ADARB1: variants seen among roughly 807,000 people sequenced by gnomAD.
ADARB1 encodes adenosine deaminase RNA specific B1.
In ADARB1, 10 loss-of-function variants were observed where a neutral mutation model predicts 52.4. That is an observed-to-expected ratio of 0.19 (90% CI 0.12 to 0.32). The LOEUF (loss-of-function observed/expected upper bound fraction) is 0.32. Among genes scored for constraint, ADARB1 ranks in the 10% least tolerant of loss-of-function variants. The probability of loss-of-function intolerance (pLI) is 1.00; values close to 1 mark genes in which losing one functional copy is unlikely to be tolerated. For missense variants in ADARB1, 643 were observed against 922.3 expected, an observed-to-expected ratio of 0.70 and a Z score of 3.92; for synonymous variants, 349 against 371.1, an observed-to-expected ratio of 0.94 and a Z score of 0.68.
chr21:45,203,810 G>A (rs1427418104), intron 8 of ADARB1, among the ~76,000 whole-genome samples: 1 of 152,164 alleles, frequency 6.6e-6, no homozygotes, highest in African/African-American at 2.4e-5. Flanking sequence ...GAAGTATAGT[G>A]GTCCCCGCTT....
intron 1 of ADARB1, among the ~76,000 whole-genome samples, chr21:45,097,604 C>G: frequency 6.6e-6 from 1 of 152,158 alleles, no homozygotes; most frequent in East Asian, 1.9e-4. Flanking sequence ...ACTTCAGACA[C>G]ATGTGCAAGG....
Position 45,204,725 on chromosome 21 carries a change from C to A in ADARB1, c.1736C>A (p.Pro579His). 6.2e-7 allele frequency: 1 copy of A among 1,614,064 alleles called. No individual in the cohort carries two copies. Among genetic ancestry groups the A allele is most frequent in the Non-Finnish European group, 8.5e-7 (1 of 1,179,962 alleles). The change falls in exon 9 of 11, where the codon CCT (proline) becomes CAT (histidine). Residue 579 changes from proline (P) to histidine (H), a missense_variant. By Grantham distance (77) the Pro-to-His change is moderately conservative. This residue lies in a region of ADARB1 where 263 missense variants were observed against 475.8 expected (regional missense o/e 0.55). Coordinates refer to ENST00000348831, the MANE Select transcript of ADARB1 (RefSeq NM_001112.4). The surrounding 1 kb of genome is among the most constrained non-coding windows in gnomAD (Gnocchi z 4.4). ...CCACCTCTCTACACCCTCAACAAGC[C>A]TTTGCTCAGTGGCAAGTATCTCTAG... ...DLPPLYTLNK[P>H]LLSGISNAEA...
At chr21:45,170,502 A>G (rs190921039) in intron 2 of ADARB1, among the ~76,000 whole-genome samples, 43 of 152,246 alleles carry the variant, frequency 2.8e-4, no homozygotes, top group African/African-American at 1.0e-3. Flanking sequence ...AACTCATTTA[A>G]CTTTTAGCAA....
At chr21:45,154,817 C>T (rs1043013394) in intron 2 of ADARB1, among the ~76,000 whole-genome samples, 7 of 152,212 alleles carry the variant, frequency 4.6e-5, no homozygotes, top group East Asian at 1.9e-4. Context: ...GCTGCCAGCA[C>T]GAGACCTGGG....
At chr21:45,218,933 A>G (rs2092915290) in intron 9 of ADARB1, among the ~76,000 whole-genome samples, 1 of 152,242 alleles carries the variant, frequency 6.6e-6, no homozygotes, top group Non-Finnish European at 1.5e-5. Flanking sequence ...GGTGGCCTAT[A>G]ACATCCATGT....
intron 1 of ADARB1, among the ~76,000 whole-genome samples, chr21:45,109,816 T>C (rs1481263619): frequency 6.6e-6 from 1 of 152,212 alleles, no homozygotes; most frequent in Admixed American, 6.5e-5. Context: ...GCAAAAATCA[T>C]GTATTTGCTC....
chr21:45,138,001 C>A (rs1002304263), intron 2 of ADARB1, among the ~76,000 whole-genome samples: 1 of 152,166 alleles, frequency 6.6e-6, no homozygotes, highest in African/African-American at 2.4e-5. Flanking sequence ...TGCCCTCAAA[C>A]TTAGAAGGGC....
At chr21:45,153,038 TTA>T (rs1346228752) in intron 2 of ADARB1, among the ~76,000 whole-genome samples, 2 of 152,214 alleles carry the variant, frequency 1.3e-5, no homozygotes, top group African/African-American at 4.8e-5. Flanking sequence ...AGACAGATGC[TTA>T]TATGAGATTT....
chr21:45,163,534 C>T (rs1234165821), intron 2 of ADARB1, among the ~76,000 whole-genome samples: 1 of 152,138 alleles, frequency 6.6e-6, no homozygotes, highest in Admixed American at 6.5e-5. Flanking sequence ...GGAATCTCCC[C>T]CCCACCTCCA....
At chr21:45,202,116 A>G (rs1338310254) in intron 8 of ADARB1, among the ~76,000 whole-genome samples, 5 of 151,830 alleles carry the variant, frequency 3.3e-5, no homozygotes, top group African/African-American at 1.2e-4. Flanking sequence ...GTGCTGGCCC[A>G]CGTGTTCACA....
At chr21:45,154,296 C>G (rs2090446626) in intron 2 of ADARB1, among the ~76,000 whole-genome samples, 1 of 152,130 alleles carries the variant, frequency 6.6e-6, no homozygotes, top group Non-Finnish European at 1.5e-5. Context: ...GTGAGTGTTA[C>G]TAAACAGTAT....
At chr21:45,115,729 T>C (rs557130504) in intron 1 of ADARB1, among the ~76,000 whole-genome samples, 24 of 152,282 alleles carry the variant, frequency 1.6e-4, no homozygotes, top group East Asian at 7.7e-4. Flanking sequence ...AGTCGTATGG[T>C]TTTTCTTCTT....
chr21:45,174,376 G>C (rs946823236), intron 3 of ADARB1, among the ~76,000 whole-genome samples: 6 of 152,090 alleles, frequency 3.9e-5, no homozygotes, highest in Non-Finnish European at 7.4e-5. Context: ...TTTTTAAAAA[G>C]CTTGATGAAC....
intron 4 of ADARB1, among the ~76,000 whole-genome samples, chr21:45,179,884 G>T (rs2091860912): frequency 6.6e-6 from 1 of 152,172 alleles, no homozygotes; most frequent in African/African-American, 2.4e-5. Context: ...AGCTGTGTGT[G>T]GCCCTGGAGC....
intron 1 of ADARB1, among the ~76,000 whole-genome samples, chr21:45,114,573 C>T (rs930168112): frequency 2.0e-5 from 3 of 152,316 alleles, no homozygotes; most frequent in Non-Finnish European, 1.5e-5. Flanking sequence ...AAATATTCAA[C>T]ATCACTTAAT....
chr21:45,103,751 T>C (rs76369226), intron 1 of ADARB1, among the ~76,000 whole-genome samples: 2,154 of 152,300 alleles, frequency 0.014, 50 homozygotes, highest in African/African-American at 0.05. Context: ...GTGTGGGGTC[T>C]GTGGGGCCTT....
intron 8 of ADARB1, among the ~76,000 whole-genome samples, chr21:45,191,229 A>G (rs1168663706): frequency 1.3e-5 from 2 of 152,172 alleles, no homozygotes; most frequent in African/African-American, 4.8e-5. Flanking sequence ...TTGTTCTTGA[A>G]TGTACCAAGT....
intron 2 of ADARB1, among the ~76,000 whole-genome samples, chr21:45,152,381 TG>T (rs2090336999): frequency 6.6e-6 from 1 of 150,562 alleles, no homozygotes; most frequent in African/African-American, 2.4e-5. Flanking sequence ...TGTCATTCTC[TG>T]GGTGGTGTGC....
chr21:45,109,953 G>A (rs1318884656), intron 1 of ADARB1, among the ~76,000 whole-genome samples: 3 of 152,172 alleles, frequency 2.0e-5, no homozygotes, highest in Non-Finnish European at 4.4e-5. Flanking sequence ...CACAAGTAGC[G>A]TGGGGGCTGC....
Sources: gnomAD v4.1 joint callset for allele counts (sites outside exome capture counted in the v4.1 genomes callset) on GRCh38, gnomAD v4.1.1 for gene constraint, gnomAD v4.1.1 regional missense constraint, Gnocchi (gnomAD v3.1) non-coding constraint, MANE v1.5 for transcripts, NCBI Gene and HGNC (gene_info 2026-07-23, HGNC 2026-07-21) for gene names.